BNC2: variants seen among roughly 807,000 people sequenced by gnomAD.
BNC2 encodes basonuclin zinc finger protein 2.
BNC2 carries 20 observed loss-of-function variants against 76.3 expected under a neutral mutation model. The ratio of observed to expected loss-of-function variants is 0.26; its 90% confidence interval spans 0.18 to 0.38. BNC2 has a LOEUF of 0.38. BNC2 is among the 10% of genes least tolerant of loss of function. The pLI is 1.00. For missense variants in BNC2, 1,382 were observed against 1,399.8 expected (o/e 0.99, Z 0.20); for synonymous variants, 582 against 514.8 (o/e 1.13, Z -1.77).
chr9:16,760,583 G>T (rs1260993909), intron 1 of BNC2, among the ~76,000 whole-genome samples: 1 of 152,130 alleles, frequency 6.6e-6, no homozygotes, highest in Non-Finnish European at 1.5e-5. Flanking sequence ...AATACCAGGA[G>T]ATCCCCAGTA....
At chr9:16,697,514 G>C (rs1291058658) in intron 3 of BNC2, among the ~76,000 whole-genome samples, 1 of 152,080 alleles carries the variant, frequency 6.6e-6, no homozygotes, top group Non-Finnish European at 1.5e-5. Flanking sequence ...TTGAGGCCAG[G>C]AGATCAAGAC....
At chr9:16,463,532 G>C (rs1006001372) in intron 5 of BNC2, among the ~76,000 whole-genome samples, 2 of 142,984 alleles carry the variant, frequency 1.4e-5, no homozygotes, top group Admixed American at 6.7e-5. Context: ...TCCTGACCTC[G>C]TGATCCGCCC....
At chr9:16,680,503 C>T (rs1395983554) in intron 3 of BNC2, among the ~76,000 whole-genome samples, 2 of 151,276 alleles carry the variant, frequency 1.3e-5, no homozygotes, top group South Asian at 4.2e-4. Context: ...TTCCACAAGT[C>T]TAATTTGGCA....
intron 3 of BNC2, chr9:16,665,119 A>G (rs1241599172): frequency 2.2e-6 from 1 of 454,888 alleles, no homozygotes; most frequent in Non-Finnish European, 4.4e-6. Flanking sequence ...CTGTAATCCC[A>G]GCACTTTGGA....
At chr9:16,599,108 T>G (rs1166161401) in intron 3 of BNC2, among the ~76,000 whole-genome samples, 1 of 152,214 alleles carries the variant, frequency 6.6e-6, no homozygotes, top group African/African-American at 2.4e-5. Flanking sequence ...TTTGCTAAGA[T>G]TTGACTACTC....
chr9:16,523,470 C>CA (rs1817685649), intron 5 of BNC2, among the ~76,000 whole-genome samples: 2 of 95,160 alleles, frequency 2.1e-5, no homozygotes, highest in African/African-American at 5.2e-5. Context: ...GACCCCGTCT[C>CA]AAAACAAAAA....
chr9:16,595,270 A>T (rs761787628), intron 3 of BNC2, among the ~76,000 whole-genome samples: 40 of 152,186 alleles, frequency 2.6e-4, no homozygotes, highest in Admixed American at 5.2e-4. Context: ...TGTGTATCAT[A>T]ATTATCTCTG....
At chr9:16,853,357 G>C (rs1467678804) in intron 1 of BNC2, among the ~76,000 whole-genome samples, 1 of 148,902 alleles carries the variant, frequency 6.7e-6, no homozygotes, top group Non-Finnish European at 1.5e-5. Flanking sequence ...AGTGAGCCAT[G>C]ATCATGCCAC....
intron 3 of BNC2, among the ~76,000 whole-genome samples, chr9:16,692,590 T>A (rs779806059): frequency 6.6e-6 from 1 of 152,064 alleles, no homozygotes; most frequent in Non-Finnish European, 1.5e-5. Context: ...CACCACAGCA[T>A]ACCAATCCAA....
chr9:16,843,986 T>C (rs1371816065), intron 1 of BNC2, among the ~76,000 whole-genome samples: 1 of 152,184 alleles, frequency 6.6e-6, no homozygotes, highest in Non-Finnish European at 1.5e-5. Flanking sequence ...TTGTTGTTCA[T>C]TTAAAAATCT....
At chr9:16,799,812 C>T (rs1050938277) in intron 1 of BNC2, among the ~76,000 whole-genome samples, 1 of 152,112 alleles carries the variant, frequency 6.6e-6, no homozygotes, top group Admixed American at 6.6e-5. Context: ...AAGCGGTAAC[C>T]TTGTCAGATT....
intron 1 of BNC2, among the ~76,000 whole-genome samples, chr9:16,746,124 T>C (rs1301255307): frequency 6.6e-6 from 1 of 152,112 alleles, no homozygotes; most frequent in Non-Finnish European, 1.5e-5. Flanking sequence ...GCCTGGACCA[T>C]TTTTCACGAA....
chr9:16,473,095 C>T (rs1466355287), intron 5 of BNC2: 1 of 152,264 alleles, frequency 6.6e-6, no homozygotes, highest in Non-Finnish European at 1.5e-5. Context: ...TCAGGTGGCT[C>T]TTACTTCTTT....
intron 3 of BNC2, among the ~76,000 whole-genome samples, chr9:16,595,110 T>A (rs1820030575): frequency 6.6e-6 from 1 of 152,128 alleles, no homozygotes. Flanking sequence ...ATGGTTATAT[T>A]AAGAAATGTC....
intron 1 of BNC2, among the ~76,000 whole-genome samples, chr9:16,750,438 AT>A (rs1398824710): frequency 6.6e-6 from 1 of 152,220 alleles, no homozygotes; most frequent in East Asian, 1.9e-4. Flanking sequence ...ATGTCATATC[AT>A]TCCCCTTACA....
chr9:16,483,917 TTTGTAGACTTTTCTA>T (rs1822109743), intron 5 of BNC2, among the ~76,000 whole-genome samples: 1 of 152,206 alleles, frequency 6.6e-6, no homozygotes, highest in South Asian at 2.1e-4. Context: ...CCCAAACTAC[TTTGTAGACTTTTCTA>T]TACGCCATGG....
At position 16,476,464 on chromosome 9, in the gene BNC2, C is replaced by G. The variant is rs563607905; in HGVS notation, c.670-38940G>C. 2.0e-5 allele frequency among the ~76,000 whole-genome samples: 3 copies of G among 152,100 alleles called. No homozygotes were observed. In the East Asian group the frequency reaches 5.8e-4, roughly 30 times the overall value. Reference sequence around the variant, plus strand: ...TCACCATTTTCCTCATTAATTGCAACTCATCCTTCAGACCTCTGCTCAAAG... The same window carrying G: ...TCACCATTTTCCTCATTAATTGCAAGTCATCCTTCAGACCTCTGCTCAAAG... On this transcript the variant is annotated intron_variant, in intron 5 of 6. Coordinates refer to ENST00000380672, the MANE Select transcript of BNC2 (RefSeq NM_017637.6).
intron 5 of BNC2, among the ~76,000 whole-genome samples, chr9:16,479,784 G>A (rs1822007982): frequency 6.6e-6 from 1 of 152,082 alleles, no homozygotes; most frequent in African/African-American, 2.4e-5. Context: ...CTTTCTTTAT[G>A]CACGTTGGGT....
intron 1 of BNC2, chr9:16,868,123 C>G (rs923891179): frequency 1.3e-5 from 2 of 152,184 alleles, no homozygotes; most frequent in Non-Finnish European, 2.9e-5. Context: ...ACAGCATTGA[C>G]TCGTGACATG....
Sources: gnomAD v4.1 joint callset for allele counts (sites outside exome capture counted in the v4.1 genomes callset) on GRCh38, gnomAD v4.1.1 for gene constraint, MANE v1.5 for transcripts, NCBI Gene and HGNC (gene_info 2026-07-23, HGNC 2026-07-21) for gene names.